CERS2: variants seen among roughly 807,000 people sequenced by gnomAD.
CERS2 encodes the protein LAG1 homolog, ceramide synthase 2.
CERS2 carries 20 observed loss-of-function variants against 56.6 expected under a neutral mutation model. The ratio of observed to expected loss-of-function variants is 0.35; its 90% CI spans 0.25 to 0.51. The LOEUF is 0.51. Ranked by LOEUF, CERS2 falls within the 20% of genes least tolerant of loss-of-function variation. CERS2 has a pLI of 0.96. For synonymous variants in CERS2, 187 were observed against 175.4 expected (o/e 1.07, Z -0.52); for missense variants, 361 against 488.6 (o/e 0.74, Z 2.46).
At chr1:150,969,220 G>T in intron 1 of CERS2, 129 bp from the exon 2 acceptor site, 1 of 742,454 alleles carries the variant, frequency 1.3e-6, no homozygotes, top group Non-Finnish European at 2.2e-6. Flanking sequence ...TCCCTATCCT[G>T]GCTATGTAGC....
chr1:150,966,714 T>G (rs1229237825), intron 9 of CERS2, 42 bp downstream of exon 9: 1 of 1,601,350 alleles, frequency 6.2e-7, no homozygotes. Flanking sequence ...GCAAGGCTCC[T>G]GATTTCTTCA....
At chr1:150,967,942 C>T (rs936193886) in intron 4 of CERS2, 65 bp from the exon 5 acceptor site, 3 of 1,417,222 alleles carry the variant, frequency 2.1e-6, no homozygotes, top group Non-Finnish European at 3.0e-6. Context: ...CCCCCAAATA[C>T]CTGCAGATAC....
chr1:150,973,669 G>A (rs1295202052), intron 1 of CERS2, among the ~76,000 whole-genome samples: 1 of 152,208 alleles, frequency 6.6e-6, no homozygotes, highest in Non-Finnish European at 1.5e-5. Flanking sequence ...GTATGCGGCA[G>A]CAACCGCCAC....
chr1:150,967,917 ACAGTCCCCCAG>A, intron 4 of CERS2, 40 bp from the exon 5 acceptor site: 1 of 1,543,940 alleles, frequency 6.5e-7, no homozygotes, highest in South Asian at 1.1e-5. Flanking sequence ...AGAGGATAGC[ACAGTCCCCCAG>A]CAGCCCCCAA....
Position 150,966,241 on chromosome 1 carries a change from C to T in CERS2, c.1050G>A (p.Glu350=). ...RSDREETESS[E]GEEAAAGGGA... is the part of the protein sequence containing the mutation. ...CTCCCCCAGCTGCAGCCTCCTCCCC[C>T]TCTGAGCTCTCTGTTTCTTCCCGGT... Residue 350 remains glutamate, a synonymous_variant, in exon 11 of 11, where the codon GAG becomes GAA. Coordinates refer to ENST00000368954, the MANE Select transcript of CERS2 (RefSeq NM_022075.5). 6.2e-7 allele frequency: 1 copy of T among 1,610,286 alleles called. No individual in the cohort carries two copies. The highest frequency in any genetic ancestry group is 8.5e-7 in the Non-Finnish European group (1 of 1,178,990).
chr1:150,973,573 G>A (rs978340454), intron 1 of CERS2, among the ~76,000 whole-genome samples: 5 of 152,194 alleles, frequency 3.3e-5, no homozygotes, highest in Admixed American at 2.6e-4. Context: ...AGGTCCTCAG[G>A]GACAGGACTG....
rs1397881568 is a variant in CERS2, at chr1:150,967,654, G to A, written c.519+10C>T. Reference sequence around the variant, plus strand: ...TAGTCCACCCCCACATGAGGAAGCAGAACTCATACCTGTATGGGATATCCC... The same window carrying A: ...TAGTCCACCCCCACATGAGGAAGCAAAACTCATACCTGTATGGGATATCCC... On this transcript the variant is annotated intron_variant, in intron 6 of 10. Coordinates refer to ENST00000368954, the MANE Select transcript of CERS2 (RefSeq NM_022075.5). The A allele has an allele frequency of 1.2e-6, 2 of 1,610,324 alleles. No individual in the cohort carries two copies. The highest frequency in any genetic ancestry group is 4.5e-5 in the East Asian group (2 of 44,864).
chr1:150,970,407 G>A (rs1035804506), intron 1 of CERS2, among the ~76,000 whole-genome samples: 1 of 152,158 alleles, frequency 6.6e-6, no homozygotes, highest in Non-Finnish European at 1.5e-5. Flanking sequence ...AGAAAGAAAA[G>A]TGAAGGTAGG....
chr1:150,970,311 C>T (rs373471338), intron 1 of CERS2, among the ~76,000 whole-genome samples: 1 of 150,584 alleles, frequency 6.6e-6, no homozygotes, highest in African/African-American at 2.5e-5. Context: ...CACTGGACAT[C>T]GAACTACTGC....
In CERS2 at chr1:150,968,991, C is replaced by T. The variant is rs376632374; in HGVS notation, c.100G>A (p.Ala34Thr). ...DLEDRDGRVYAKASDLYITLP... is the reference protein window; with the variant it reads ...DLEDRDGRVYTKASDLYITLP... ...GTGATATAGAGATCTGAGGCTTTGG[C>T]GTAGACACGTCCATCTCGGTCTTCT... is the stretch of plus-strand genomic sequence containing the variant. Residue 34 changes from alanine to threonine, a missense_variant, in exon 2 of 11, where the codon GCC becomes ACC. Physicochemically the swap from Ala to Thr is moderately conservative, Grantham distance 58. Around this residue, in one of 3 missense-constraint regions of CERS2, gnomAD observed 236 missense variants for 309.2 expected, o/e 0.76. Coordinates refer to ENST00000368954, the MANE Select transcript of CERS2 (RefSeq NM_022075.5). 7.5e-5 allele frequency: 121 copies of T among 1,614,032 alleles called. No individual in the cohort carries two copies. The highest frequency in any genetic ancestry group is 8.9e-5 in the East Asian group (4 of 44,880).
chr1:150,970,227 C>CA (rs35333038), intron 1 of CERS2, among the ~76,000 whole-genome samples: 4,046 of 50,666 alleles, frequency 0.08, 392 homozygotes, highest in East Asian at 0.18. Flanking sequence ...GACTCTGTCT[C>CA]AAAAAAAAAA....
intron 1 of CERS2, among the ~76,000 whole-genome samples, chr1:150,973,474 C>T (rs1419785572): frequency 1.3e-5 from 2 of 152,208 alleles, no homozygotes; most frequent in Non-Finnish European, 1.5e-5. Context: ...AAAATCTGGC[C>T]AGAGGCCCCA....
In CERS2 at chr1:150,966,240, C is replaced by A. The variant is rs376324977; in HGVS notation, c.1051G>T (p.Gly351Trp). ...CCTCCCCCAGCTGCAGCCTCCTCCC[C>A]CTCTGAGCTCTCTGTTTCTTCCCGG... ...SDREETESSE[G>W]EEAAAGGGAK... Residue 351 changes from glycine (G) to tryptophan (W), a missense_variant, in exon 11 of 11, where the codon GGG becomes TGG. By Grantham distance (184) the Gly-to-Trp change is radical. This residue lies in a region of CERS2 where 122 missense variants were observed against 151.9 expected (regional missense o/e 0.80). Coordinates refer to ENST00000368954, the MANE Select transcript of CERS2 (RefSeq NM_022075.5). The A allele has an allele frequency of 8.7e-6, 14 of 1,610,350 alleles. No homozygotes were observed. The highest frequency in any genetic ancestry group is 5.5e-5 in the South Asian group (5 of 90,476).
In CERS2 at chr1:150,967,460, A is replaced by G. The variant is rs1447654638; in HGVS notation, c.544T>C (p.Tyr182His). 2 of 1,596,272 alleles carry G rather than the reference A, an allele frequency of 1.3e-6. No individual in the cohort carries two copies. Among genetic ancestry groups the G allele is most frequent in the Non-Finnish European group, 1.7e-6 (2 of 1,163,774 alleles). ...TAGAAGGAAAGTTCAATCATGTAGT[A>G]CCAATACTGGGAAGGGATAGTGCTC... ...IQSTIPSQYW[Y>H]YMIELSFYWS... Residue 182 changes from tyrosine (Y) to histidine (H), a missense_variant, in exon 7 of 11, where the codon TAC becomes CAC. By Grantham distance (83) the Tyr-to-His change is moderately conservative. Transcript: ENST00000368954.
intron 3 of CERS2, 39 bp from the exon 4 acceptor site, chr1:150,968,240 C>CG: frequency 6.3e-7 from 1 of 1,589,602 alleles, no homozygotes; most frequent in East Asian, 2.2e-5. Flanking sequence ...TGTTTACCTT[C>CG]GGAACTCAGC....
Position 150,966,462 on chromosome 1 carries a change from G to C in CERS2, c.1002+14C>G, listed in dbSNP as rs772147627. On this transcript the variant is annotated intron_variant, in intron 10 of 10. Coordinates refer to ENST00000368954, the MANE Select transcript of CERS2 (RefSeq NM_022075.5). ...GAGAGTAGTAAGGCCTACACAATGG[G>C]AACAGGGCTTCACCTTTCCAGTTAT... 1 of 1,614,000 alleles carries C rather than the reference G, an allele frequency of 6.2e-7. No individual in the cohort carries two copies.
In CERS2 at chr1:150,966,241, C is replaced by G. The variant is rs769453538; in HGVS notation, c.1050G>C (p.Glu350Asp). Residue 350 changes from glutamate to aspartate, a missense_variant, in exon 11 of 11, where the codon GAG becomes GAC. By Grantham distance (45) the Glu-to-Asp change is conservative (BLOSUM62 2). Around this residue, in one of 3 missense-constraint regions of CERS2, gnomAD observed 122 missense variants for 151.9 expected, o/e 0.80. Transcript: ENST00000368954. The stretch of plus-strand genomic sequence containing the variant: ...CTCCCCCAGCTGCAGCCTCCTCCCC[C>G]TCTGAGCTCTCTGTTTCTTCCCGGT... ...RSDREETESSEGEEAAAGGGA... is the reference protein window; with the variant it reads ...RSDREETESSDGEEAAAGGGA... The G allele has an allele frequency of 1.9e-6, 3 of 1,610,168 alleles. No individual in the cohort carries two copies. In the East Asian group the frequency reaches 6.7e-5, roughly 36 times the overall value.
chr1:150,973,770 G>T (rs375569318), intron 1 of CERS2: 1 of 152,348 alleles, frequency 6.6e-6, no homozygotes, highest in Non-Finnish European at 1.5e-5. Context: ...CACTGCATTC[G>T]CCACGATCCT....
intron 10 of CERS2, 91 bp downstream of exon 10, chr1:150,966,385 C>T (rs996988586): frequency 5.6e-6 from 9 of 1,599,012 alleles, no homozygotes; most frequent in Admixed American, 3.5e-5. Context: ...CCCAGGGCTC[C>T]ACACTAGTTT....
Sources: gnomAD v4.1 joint callset for allele counts (sites outside exome capture counted in the v4.1 genomes callset) on GRCh38, gnomAD v4.1.1 for gene constraint, gnomAD v4.1.1 regional missense constraint, MANE v1.5 for transcripts, NCBI Gene and HGNC (gene_info 2026-07-23, HGNC 2026-07-21) for gene names.